Variants in ZMYM2 observed in about 807,000 individuals in gnomAD.
ZMYM2 encodes the protein zinc finger MYM-type containing 2, also known as zinc finger MYM-type protein 2.
ZMYM2 carries 56 observed loss-of-function variants against 162.8 expected under a neutral mutation model. That is an observed-to-expected ratio of 0.34 (90% CI 0.28 to 0.43). The LOEUF (loss-of-function observed/expected upper bound fraction) is 0.43, where lower values mean the gene tolerates loss of function less well. Among genes scored for constraint, ZMYM2 ranks in the 20% least tolerant of loss-of-function variants. The pLI is 1.00. For missense variants in ZMYM2, 1,275 were observed against 1,621.8 expected (o/e 0.79, Z 3.67); for synonymous variants, 510 against 541.6 (o/e 0.94, Z 0.81).
chr13:20,027,255 A>C lies in ZMYM2; in HGVS notation c.1788A>C (p.Gln596His). The change falls in exon 9 of 25, where the codon CAA becomes CAC. Residue 596 changes from glutamine (Q) to histidine (H), a missense_variant. Physicochemically the swap from Gln to His is conservative, Grantham distance 24. Coordinates refer to ENST00000610343, the MANE Select transcript of ZMYM2 (RefSeq NM_197968.4). The stretch of plus-strand genomic sequence containing the variant: ...AGCGAAACTCTTTACCTCAATACCA[A>C]GCCACAATGCCTGATGGAAAACTGT... ...FCKRNSLPQY[Q>H]ATMPDGKLYN... 1 of 1,586,874 alleles carries C rather than the reference A, an allele frequency of 6.3e-7. No individual in the cohort carries two copies. Among genetic ancestry groups the C allele is most frequent in the Non-Finnish European group, 8.6e-7 (1 of 1,164,672 alleles).
In ZMYM2 at chr13:20,019,757, A is replaced by G. The variant is rs1275265279; in HGVS notation, c.1584+139A>G. ...AAACTTAAATTGTATCAAATGATGAATGTTTTATCTCTGAGACATAGATTT... is the reference window on the plus strand; with the variant it reads ...AAACTTAAATTGTATCAAATGATGAGTGTTTTATCTCTGAGACATAGATTT... On this transcript the variant is annotated intron_variant, in intron 7 of 24. Transcript: ENST00000610343. 6.8e-6 allele frequency: 5 copies of G among 731,240 alleles called. No homozygotes were observed. In the Admixed American group the frequency reaches 8.0e-5, roughly 12 times the overall value. The allele number at this position is 731,240 out of a possible 1,614,324, so 45.3% of individuals were successfully genotyped here.
intron 18 of ZMYM2, among the ~76,000 whole-genome samples, chr13:20,064,070 A>G (rs961537469): frequency 1.3e-5 from 2 of 151,074 alleles, no homozygotes; most frequent in African/African-American, 4.9e-5. Flanking sequence ...TTCTTAATCC[A>G]TGGATGGCTA....
rs555922637 is a variant in ZMYM2, at chr13:20,007,663, C to T, written c.1512+1077C>T. Among the ~76,000 whole-genome samples, 6 of 150,158 alleles carry T rather than the reference C, an allele frequency of 4.0e-5. No homozygotes were observed. In the South Asian group the frequency reaches 1.3e-3, roughly 32 times the overall value. ...TAAAGACAAGTTTCGCTCTGTTGCC[C>T]AGGCTGGAGTGCATTGGCGTAATTT... On this transcript the variant is annotated intron_variant, in intron 6 of 24. Coordinates refer to ENST00000610343, the MANE Select transcript of ZMYM2 (RefSeq NM_197968.4).
At chr13:20,079,267 G>A (rs1957737501) in intron 21 of ZMYM2, among the ~76,000 whole-genome samples, 1 of 140,370 alleles carries the variant, frequency 7.1e-6, no homozygotes, top group Non-Finnish European at 1.5e-5. Flanking sequence ...TGCATGAGCC[G>A]GGATTGCGCC....
chr13:19,949,314 A>G, the ZMYM2 span, among the ~76,000 whole-genome samples: 2 of 152,180 alleles, frequency 1.3e-5, no homozygotes, highest in Non-Finnish European at 2.9e-5. Flanking sequence ...AGGCTGAGGC[A>G]GTAGCATTGC....
the ZMYM2 span, among the ~76,000 whole-genome samples, chr13:19,938,096 G>A: frequency 1.1e-4 from 17 of 152,076 alleles, no homozygotes; most frequent in Non-Finnish European, 2.2e-4. Flanking sequence ...ATTGTGAATA[G>A]TGCTGCAATA....
At chr13:19,871,028 C>T in the ZMYM2 span, among the ~76,000 whole-genome samples, 1 of 151,552 alleles carries the variant, frequency 6.6e-6, no homozygotes, top group African/African-American at 2.4e-5. Flanking sequence ...TGGAAAAGTA[C>T]CAGAGAATAT....
the ZMYM2 span, among the ~76,000 whole-genome samples, chr13:19,931,129 A>ACT: frequency 2.2e-5 from 3 of 139,154 alleles, no homozygotes; most frequent in African/African-American, 5.8e-5. Context: ...AAAGAGCGAG[A>ACT]CTCTCTCTCA....
intron 11 of ZMYM2, 92 bp downstream of exon 11, chr13:20,034,496 A>G: frequency 8.1e-7 from 1 of 1,233,342 alleles, no homozygotes; most frequent in Non-Finnish European, 1.1e-6. Flanking sequence ...CACAATTTTA[A>G]TGTAGCTGAA....
chr13:20,074,499 G>T (rs1957341027), intron 21 of ZMYM2, among the ~76,000 whole-genome samples: 6 of 151,658 alleles, frequency 4.0e-5, no homozygotes, highest in Admixed American at 3.9e-4. Flanking sequence ...GCCTCCCAAA[G>T]TGCTGGAATT....
At chr13:19,879,821 TGGGTCTTTGA>T in the ZMYM2 span, among the ~76,000 whole-genome samples, 1 of 152,204 alleles carries the variant, frequency 6.6e-6, no homozygotes, top group African/African-American at 2.4e-5. Context: ...TATTTCCAGA[TGGGTCTTTGA>T]GGGTCTTTCC....
At chr13:20,074,456 G>A (rs796478377) in intron 21 of ZMYM2, among the ~76,000 whole-genome samples, 6 of 151,994 alleles carry the variant, frequency 3.9e-5, no homozygotes, top group African/African-American at 1.2e-4. Context: ...GTCTGGTCTC[G>A]AACTCCTGGG....
intron 17 of ZMYM2, among the ~76,000 whole-genome samples, chr13:20,061,735 C>T (rs1490485336): frequency 2.6e-5 from 4 of 151,958 alleles, no homozygotes; most frequent in Admixed American, 1.3e-4. Flanking sequence ...ATTACAGGCA[C>T]GTGCCACCAC....
chr13:19,941,366 G>A, the ZMYM2 span, among the ~76,000 whole-genome samples: 138 of 151,702 alleles, frequency 9.1e-4, no homozygotes, highest in African/African-American at 1.7e-4. Flanking sequence ...AACTTTAGGC[G>A]AAATAAAGTT....
chr13:20,055,423 C>T (rs947194790), intron 14 of ZMYM2, among the ~76,000 whole-genome samples: 1 of 152,106 alleles, frequency 6.6e-6, no homozygotes, highest in Non-Finnish European at 1.5e-5. Context: ...AACAAGTGTC[C>T]TTTTCTTAGT....
In ZMYM2 at chr13:20,027,256, G is replaced by A; in HGVS notation, c.1789G>A (p.Ala597Thr). The change falls in exon 9 of 25, where the codon GCC becomes ACC. Residue 597 changes from alanine (A) to threonine (T), a missense_variant. This residue lies in a region of ZMYM2 where 276 missense variants were observed against 311.8 expected (regional missense o/e 0.89). Coordinates refer to ENST00000610343, the MANE Select transcript of ZMYM2 (RefSeq NM_197968.4). ...CKRNSLPQYQ[A>T]TMPDGKLYNF... The stretch of plus-strand genomic sequence containing the variant: ...GCGAAACTCTTTACCTCAATACCAA[G>A]CCACAATGCCTGATGGAAAACTGTA... 1.9e-6 allele frequency: 3 copies of A among 1,586,398 alleles called. No homozygotes were observed. The highest frequency in any genetic ancestry group is 2.6e-6 in the Non-Finnish European group (3 of 1,164,484).
the ZMYM2 span, among the ~76,000 whole-genome samples, chr13:19,891,991 G>T: frequency 6.6e-6 from 1 of 151,730 alleles, no homozygotes; most frequent in Admixed American, 6.6e-5. Context: ...ACTCAGGCTG[G>T]AGTGCAGTGG....
chr13:19,926,543 T>G, the ZMYM2 span, among the ~76,000 whole-genome samples: 2 of 151,624 alleles, frequency 1.3e-5, no homozygotes, highest in Non-Finnish European at 2.9e-5. Flanking sequence ...TTTGCATTTT[T>G]AGTAGAGAAG....
At chr13:20,051,253 G>GCATCTTTTTTTT (rs369364385) in intron 12 of ZMYM2, among the ~76,000 whole-genome samples, 180 bp from the exon 13 acceptor site, 11 of 74,196 alleles carry the variant, frequency 1.5e-4, no homozygotes, top group East Asian at 4.9e-4. Flanking sequence ...CTGTGAAATT[G>GCATCTTTTTTTT]TATTTTTTTT....
Sources: allele counts gnomAD v4.1 joint callset (sites outside exome capture counted in the v4.1 genomes callset), GRCh38; gene constraint gnomAD v4.1.1; regional missense constraint gnomAD v4.1.1; transcripts MANE v1.5; gene names NCBI Gene and HGNC (gene_info 2026-07-23, HGNC 2026-07-21).